The following CFAP299 variants were observed in gnomAD, a reference collection of about 807,000 sequenced individuals.
CFAP299 encodes the protein cilia- and flagella-associated protein 299.
A neutral mutation model predicts 27.0 loss-of-function variants in CFAP299; 21 were observed. That is an observed-to-expected ratio of 0.78 (90% CI 0.55 to 1.12). The LOEUF (loss-of-function observed/expected upper bound fraction) is 1.12, where lower values mean the gene tolerates loss of function less well. Among genes scored for constraint, CFAP299 ranks in the 50% most tolerant of loss-of-function variants. The pLI, the probability that CFAP299 is intolerant of heterozygous loss-of-function variation, is 0.00. For missense variants in CFAP299, 310 were observed against 276.6 expected (o/e 1.12, Z -0.86); for synonymous variants, 104 against 98.1 (o/e 1.06, Z -0.36).
At chr4:80,783,738 T>C (rs1727072650) in intron 3 of CFAP299, among the ~76,000 whole-genome samples, 1 of 152,208 alleles carries the variant, frequency 6.6e-6, no homozygotes, top group South Asian at 2.1e-4. Context: ...TTAGGAATCT[T>C]TCAAAATTTG....
intron 2 of CFAP299, among the ~76,000 whole-genome samples, chr4:80,447,284 C>G (rs555595867): frequency 0.039 from 5,627 of 145,830 alleles, 373 homozygotes; most frequent in African/African-American, 0.13. Flanking sequence ...TACAGGCGCC[C>G]GCCACTACGC....
chr4:80,694,954 G>A (rs1720993357), intron 3 of CFAP299, among the ~76,000 whole-genome samples: 1 of 152,182 alleles, frequency 6.6e-6, no homozygotes, highest in East Asian at 1.9e-4. Flanking sequence ...AGATGCAGGA[G>A]CCAGATTTTT....
intron 3 of CFAP299, among the ~76,000 whole-genome samples, chr4:80,621,621 A>T: frequency 6.6e-6 from 1 of 152,098 alleles, no homozygotes; most frequent in Non-Finnish European, 1.5e-5. Context: ...ACTATTCCAG[A>T]TATTGAAAAT....
At chr4:80,857,789 G>A (rs541487851) in intron 3 of CFAP299, among the ~76,000 whole-genome samples, 30 of 152,304 alleles carry the variant, frequency 2.0e-4, no homozygotes, top group Admixed American at 1.8e-3. Context: ...TTTTTGATGT[G>A]CTGCTGGATT....
intron 2 of CFAP299, among the ~76,000 whole-genome samples, chr4:80,553,187 G>T (rs975029246): frequency 6.6e-6 from 1 of 151,884 alleles, no homozygotes; most frequent in Non-Finnish European, 1.5e-5. Context: ...AGTGTCTATT[G>T]TTCCTTTCTT....
At chr4:80,599,558 G>C (rs1423570737) in intron 3 of CFAP299, among the ~76,000 whole-genome samples, 1 of 152,056 alleles carries the variant, frequency 6.6e-6, no homozygotes, top group African/African-American at 2.4e-5. Context: ...AAAATCTTCT[G>C]TCCTATTATT....
chr4:80,834,114 GT>G, intron 3 of CFAP299, among the ~76,000 whole-genome samples: 1 of 152,158 alleles, frequency 6.6e-6, no homozygotes, highest in Non-Finnish European at 1.5e-5. Context: ...ATGTGTTTTT[GT>G]TTTGTGTTTG....
chr4:80,721,708 T>C (rs1722822375), intron 3 of CFAP299, among the ~76,000 whole-genome samples: 1 of 151,864 alleles, frequency 6.6e-6, no homozygotes, highest in Non-Finnish European at 1.5e-5. Context: ...TTAAGAGAAA[T>C]AGGAGAGGGA....
chr4:80,715,416 G>T (rs186291485), intron 3 of CFAP299, among the ~76,000 whole-genome samples: 81 of 152,146 alleles, frequency 5.3e-4, no homozygotes, highest in African/African-American at 1.9e-3. Flanking sequence ...GATAATAACA[G>T]ATCAAGCAAT....
intron 3 of CFAP299, among the ~76,000 whole-genome samples, chr4:80,667,317 C>G (rs1401009774): frequency 6.6e-6 from 1 of 152,030 alleles, no homozygotes; most frequent in East Asian, 1.9e-4. Flanking sequence ...CATCTTAAAT[C>G]TTTATCTTTT....
chr4:80,528,903 A>T (rs1733321171), intron 2 of CFAP299, among the ~76,000 whole-genome samples: 1 of 152,136 alleles, frequency 6.6e-6, no homozygotes, highest in Non-Finnish European at 1.5e-5. Context: ...TCTGGGACTA[A>T]CTAAACACTT....
chr4:80,558,868 A>G (rs1183652648), intron 2 of CFAP299, among the ~76,000 whole-genome samples: 1 of 152,178 alleles, frequency 6.6e-6, no homozygotes, highest in Non-Finnish European at 1.5e-5. Context: ...GGTTTACTCT[A>G]AAAGTACAAG....
chr4:80,940,988 G>C (rs1737166836), intron 4 of CFAP299, among the ~76,000 whole-genome samples: 1 of 152,102 alleles, frequency 6.6e-6, no homozygotes, highest in African/African-American at 2.4e-5. Flanking sequence ...TTCTGTGGGG[G>C]ATTCGTTCCA....
chr4:80,661,721 AC>A (rs1296300080), intron 3 of CFAP299, among the ~76,000 whole-genome samples: 2 of 152,226 alleles, frequency 1.3e-5, no homozygotes, highest in Non-Finnish European at 2.9e-5. Context: ...TGTTCAGGGA[AC>A]AAGGGAGATA....
Position 80,928,099 on chromosome 4 carries a change from A to G in CFAP299, c.477-16711A>G, listed in dbSNP as rs188850556. On this transcript the variant is annotated intron_variant, in intron 4 of 5. Coordinates refer to ENST00000358105, the MANE Select transcript of CFAP299 (RefSeq NM_152770.3). ...TCTCCAGATACAGCAACAGAGAAGG[A>G]AGCGTCTCTCCCCCAGCGTTCTGTT... Among the ~76,000 whole-genome samples the G allele has an allele frequency of 5.3e-4, 81 of 152,248 alleles. 1 individual carries two copies. The highest frequency in any genetic ancestry group is 5.0e-3 in the Admixed American group (76 of 15,272).
Position 80,545,732 on chromosome 4 carries a change from C to A in CFAP299, c.243-37361C>A, listed in dbSNP as rs769384078. 8.2e-4 allele frequency among the ~76,000 whole-genome samples: 125 copies of A among 152,190 alleles called. 7 individuals are homozygous for A. The highest frequency in any genetic ancestry group is 6.3e-4 in the Non-Finnish European group (43 of 68,026). On this transcript the variant is annotated intron_variant, in intron 2 of 5. Transcript: ENST00000358105. ...AAAATCAAGGAGGAGGGACTCCTCT[C>A]TAACTCATCCTCTGAAGCAAGCATC...
At chr4:80,792,523 C>T (rs72879947) in intron 3 of CFAP299, among the ~76,000 whole-genome samples, 11,770 of 152,026 alleles carry the variant, frequency 0.077, 533 homozygotes, top group African/African-American at 0.1. Context: ...ATATTTGAAG[C>T]TGTCATTACA....
chr4:80,797,791 T>G (rs1051832596), intron 3 of CFAP299, among the ~76,000 whole-genome samples: 21 of 152,088 alleles, frequency 1.4e-4, no homozygotes, highest in African/African-American at 4.3e-4. Flanking sequence ...GTAAAGTGAC[T>G]AATCCACTCC....
At position 80,921,892 on chromosome 4, in the gene CFAP299, TGAGAG is replaced by T. The variant is rs140831602; in HGVS notation, c.477-22915_477-22911del. On this transcript the variant is annotated intron_variant, in intron 4 of 5. Coordinates refer to ENST00000358105, the MANE Select transcript of CFAP299 (RefSeq NM_152770.3). ...GTGAATGAATGAAAATGGGATATGA[TGAGAG>T]GAAAGAGTCAAGCACAATTCCGAGT... Among the ~76,000 whole-genome samples, 775 of 151,702 alleles carry T rather than the reference TGAGAG, an allele frequency of 5.1e-3. 19 individuals carry two copies. Among genetic ancestry groups the T allele is most frequent in the African/African-American group, 0.018 (748 of 41,354 alleles).
Sources: gnomAD v4.1 joint callset for allele counts (sites outside exome capture counted in the v4.1 genomes callset) on GRCh38, gnomAD v4.1.1 for gene constraint, MANE v1.5 for transcripts, NCBI Gene and HGNC (gene_info 2026-07-23, HGNC 2026-07-21) for gene names.